Variants in EYS observed in about 807,000 individuals in gnomAD.
The protein encoded by EYS is protein eyes shut homolog.
In EYS, 250 loss-of-function variants were observed where a neutral mutation model predicts 282.1. The observed-to-expected ratio is 0.89, with a 90% CI of 0.80 to 0.98. EYS has a LOEUF of 0.98. Ranked by LOEUF, EYS falls within the 50% of genes least tolerant of loss-of-function variation. The pLI is 0.00. For missense variants in EYS, 4,016 were observed against 3,709.0 expected (o/e 1.08, Z -2.15); for synonymous variants, 1,355 against 1,282.9 (o/e 1.06, Z -1.20).
chr6:64,096,512 CATT>C (rs1772620531), intron 31 of EYS, among the ~76,000 whole-genome samples: 1 of 152,216 alleles, frequency 6.6e-6, no homozygotes, highest in Non-Finnish European at 1.5e-5. Flanking sequence ...CATCTTCCAT[CATT>C]GATACCCTTT....
intron 31 of EYS, among the ~76,000 whole-genome samples, chr6:64,096,437 G>T (rs1339948009): frequency 2.6e-5 from 4 of 152,094 alleles, no homozygotes; most frequent in Non-Finnish European, 5.9e-5. Context: ...TTTCTTAGAG[G>T]CTTTGTTCAT....
rs571226553 is a variant in EYS, at chr6:63,806,481, A to G, written c.7229-109T>C. On this transcript the variant is annotated intron_variant, in intron 36 of 42. Transcript: ENST00000503581. Reference sequence around the variant, plus strand: ...GGCCAGATAGTCTGTTTACTATTACATTAATTATACTTTAGTGCCCTTCAG... The same window carrying G: ...GGCCAGATAGTCTGTTTACTATTACGTTAATTATACTTTAGTGCCCTTCAG... 1.7e-5 allele frequency: 16 copies of G among 938,140 alleles called. No individual in the cohort carries two copies. The South Asian group carries it at 2.4e-4, about 14-fold the overall frequency. The allele number at this position is 938,140 out of a possible 1,614,324, so 58.1% of individuals were successfully genotyped here. A position where few individuals can be genotyped will look rare whatever the true frequency, so the allele number is the denominator to read the frequency against.
At chr6:64,259,866 T>C (rs1767529770) in intron 30 of EYS, among the ~76,000 whole-genome samples, 1 of 151,840 alleles carries the variant, frequency 6.6e-6, no homozygotes, top group African/African-American at 2.4e-5. Flanking sequence ...AAAACTTATT[T>C]GCCTTATGTA....
intron 12 of EYS, among the ~76,000 whole-genome samples, chr6:65,145,512 G>T (rs1182939462): frequency 6.9e-6 from 1 of 144,140 alleles, no homozygotes; most frequent in Non-Finnish European, 1.5e-5. Context: ...CTATGTAAGA[G>T]GAAAAAAAAA....
chr6:64,815,401 ACTAATTGAATTGTAT>A (rs1764717858), intron 21 of EYS, among the ~76,000 whole-genome samples: 1 of 152,082 alleles, frequency 6.6e-6, no homozygotes, highest in South Asian at 2.1e-4. Context: ...CATTACATAA[ACTAATTGAATTGTAT>A]CTCCCATGGG....
At chr6:64,976,756 A>T (rs1331757119) in intron 14 of EYS, among the ~76,000 whole-genome samples, 2 of 152,020 alleles carry the variant, frequency 1.3e-5, no homozygotes, top group Admixed American at 1.3e-4. Context: ...TCCATTCAAG[A>T]CAAAAGAGAA....
chr6:65,305,727 T>C (rs1281392646), intron 11 of EYS, among the ~76,000 whole-genome samples: 5 of 152,266 alleles, frequency 3.3e-5, no homozygotes, highest in Non-Finnish European at 7.3e-5. Flanking sequence ...AGTATGAAAA[T>C]TGTCCCTTTT....
chr6:65,702,779 G>A (rs533979075), intron 1 of EYS, among the ~76,000 whole-genome samples: 2 of 152,048 alleles, frequency 1.3e-5, no homozygotes, highest in South Asian at 4.1e-4. Flanking sequence ...GTGTGTGTGT[G>A]GGTGTTTGTG....
chr6:64,925,768 A>T (rs777389074), intron 15 of EYS, among the ~76,000 whole-genome samples: 6 of 152,076 alleles, frequency 3.9e-5, no homozygotes, highest in Non-Finnish European at 8.8e-5. Context: ...GGGTTGTAGA[A>T]CATTCAGTGG....
intron 2 of EYS, among the ~76,000 whole-genome samples, chr6:65,566,003 T>C (rs188471740): frequency 6.6e-6 from 1 of 151,760 alleles, no homozygotes; most frequent in African/African-American, 2.4e-5. Context: ...ATGTAGATGA[T>C]GGGTTGATGG....
In EYS at chr6:64,627,697, C is replaced by T. The variant is rs567075002; in HGVS notation, c.3444-1452G>A. Among the ~76,000 whole-genome samples the T allele has an allele frequency of 2.6e-5, 4 of 152,262 alleles. No homozygotes were observed. The East Asian group carries it at 5.8e-4, about 22-fold the overall frequency. On this transcript the variant is annotated intron_variant, in intron 22 of 42. Coordinates refer to ENST00000503581, the MANE Select transcript of EYS (RefSeq NM_001142800.2). ...GGTCTGCCCGGCTGAAGCTAGGTAA[C>T]GATGAATTTTAGACCGTCCAGAATG...
intron 2 of EYS, among the ~76,000 whole-genome samples, chr6:65,526,109 G>C (rs1767549894): frequency 6.6e-6 from 1 of 152,166 alleles, no homozygotes; most frequent in Non-Finnish European, 1.5e-5. Context: ...CACATGGTGA[G>C]AGAGCAATAG....
intron 26 of EYS, among the ~76,000 whole-genome samples, chr6:64,534,150 G>C (rs1196964586): frequency 1.3e-5 from 2 of 151,426 alleles, no homozygotes; most frequent in Non-Finnish European, 3.0e-5. Flanking sequence ...TCTACATTTA[G>C]AGATCTAAAT....
At chr6:65,678,296 C>T (rs1768696909) in intron 1 of EYS, among the ~76,000 whole-genome samples, 2 of 152,012 alleles carry the variant, frequency 1.3e-5, no homozygotes, top group African/African-American at 4.8e-5. Flanking sequence ...CTGGGGATTA[C>T]ATTTCAACAT....
At chr6:65,272,869 C>T (rs1767942185) in intron 12 of EYS, among the ~76,000 whole-genome samples, 2 of 152,070 alleles carry the variant, frequency 1.3e-5, no homozygotes, top group African/African-American at 4.8e-5. Context: ...TAATCTCCCA[C>T]AGATGAATAA....
chr6:64,685,708 T>A (rs1444573099), intron 22 of EYS, among the ~76,000 whole-genome samples: 2 of 152,182 alleles, frequency 1.3e-5, no homozygotes, highest in Non-Finnish European at 2.9e-5. Context: ...TCTTTATAAA[T>A]TATTCAGTTT....
intron 33 of EYS, among the ~76,000 whole-genome samples, chr6:64,045,271 G>A (rs544137660): frequency 6.6e-6 from 1 of 151,966 alleles, no homozygotes; most frequent in Non-Finnish European, 1.5e-5. Flanking sequence ...TTAAAAAGGT[G>A]AGTGTAAATA....
intron 12 of EYS, among the ~76,000 whole-genome samples, chr6:65,119,885 T>A (rs6904617): frequency 2.0e-5 from 3 of 150,250 alleles, no homozygotes; most frequent in Non-Finnish European, 4.4e-5. Context: ...AGCCTGTAAT[T>A]CTAGCACTTT....
At chr6:65,612,664 G>A (rs926145827) in intron 2 of EYS, among the ~76,000 whole-genome samples, 3 of 151,312 alleles carry the variant, frequency 2.0e-5, no homozygotes, top group Non-Finnish European at 4.4e-5. Context: ...TGTGGATATT[G>A]GTATTACATA....
Sources: gnomAD v4.1 joint callset for allele counts (sites outside exome capture counted in the v4.1 genomes callset) on GRCh38, gnomAD v4.1.1 for gene constraint, MANE v1.5 for transcripts, NCBI Gene and HGNC (gene_info 2026-07-23, HGNC 2026-07-21) for gene names.